The following TCTN3 variants were observed in gnomAD, a reference collection of about 807,000 sequenced individuals.
TCTN3 encodes tectonic family member 3.
Under a neutral mutation model 71.3 loss-of-function variants are expected in TCTN3, and 57 were observed. The observed-to-expected ratio is 0.80, with a 90% CI of 0.65 to 1.00. The LOEUF (loss-of-function observed/expected upper bound fraction) is 1.00. Ranked by LOEUF, TCTN3 falls within the 50% of genes least tolerant of loss-of-function variation. The pLI is 0.00. For synonymous variants in TCTN3, 258 were observed against 267.8 expected (o/e 0.96, Z 0.36); for missense variants, 696 against 719.9 (o/e 0.97, Z 0.38).
At chr10:95,684,684 C>T in intron 8 of TCTN3, 60 bp from the exon 9 acceptor site, 2 of 1,579,662 alleles carry the variant, frequency 1.3e-6, no homozygotes, top group Non-Finnish European at 1.7e-6. Context: ...ATGTTTAGGA[C>T]AGAAGATTTT....
intron 13 of TCTN3, among the ~76,000 whole-genome samples, chr10:95,668,649 C>A (rs1445258042): frequency 6.6e-6 from 1 of 152,064 alleles, no homozygotes; most frequent in Non-Finnish European, 1.5e-5. Flanking sequence ...CATCTTCCCC[C>A]CCCAAATTAT....
chr10:95,675,238 G>A (rs914256467), intron 13 of TCTN3, among the ~76,000 whole-genome samples: 2 of 152,048 alleles, frequency 1.3e-5, no homozygotes, highest in Non-Finnish European at 2.9e-5. Flanking sequence ...GATTACACGC[G>A]TGTGCCACCA....
intron 13 of TCTN3, among the ~76,000 whole-genome samples, chr10:95,670,061 C>CAAAAAAAAAAA (rs34609339): frequency 4.1e-4 from 33 of 81,074 alleles, no homozygotes; most frequent in South Asian, 5.0e-4. Flanking sequence ...GACTCCGTCT[C>CAAAAAAAAAAA]AAAAAAAAAA....
intron 13 of TCTN3, among the ~76,000 whole-genome samples, chr10:95,674,188 A>T (rs1442435558): frequency 6.6e-6 from 1 of 152,074 alleles, no homozygotes; most frequent in Non-Finnish European, 1.5e-5. Context: ...AGTCCTCTTC[A>T]TGAACCATTT....
At chr10:95,677,488 T>TTTTTTTTTTTTTTG (rs2097938502) in intron 13 of TCTN3, among the ~76,000 whole-genome samples, 1 of 142,544 alleles carries the variant, frequency 7.0e-6, no homozygotes, top group Non-Finnish European at 1.6e-5. Context: ...TTTTTGTTTT[T>TTTTTTTTTTTTTTG]TTTTTTTTTT....
intron 3 of TCTN3, among the ~76,000 whole-genome samples, chr10:95,688,918 A>G (rs1469500753): frequency 1.3e-5 from 2 of 152,224 alleles, no homozygotes; most frequent in Non-Finnish European, 1.5e-5. Context: ...TGAAAAAAGA[A>G]CATAGGGAAA....
At position 95,680,473 on chromosome 10, in the gene TCTN3, TG is replaced by T. The variant is rs1213907141; in HGVS notation, c.1588del (p.Gln530ArgfsTer11). 6.2e-7 allele frequency: 1 copy of T among 1,612,810 alleles called. No individual in the cohort carries two copies. The highest frequency in any genetic ancestry group is 1.7e-5 in the Admixed American group (1 of 59,704). Reference protein sequence around the residue: ...VRFLYQCQSIQDSQQVTEVSL... With the variant: ...VRFLYQCQSIXDSQQVTEVSL... ...GATCCTTTATGAGCCATGACTTACC[TG>T]TATAGACTGGCACTGGTATAGGAAT... is the stretch of plus-strand genomic sequence containing the variant. On this transcript the variant is annotated frameshift_variant and splice_region_variant, in exon 13 of 14. Transcript: ENST00000371217. LOFTEE classifies it high-confidence loss of function.
intron 7 of TCTN3, among the ~76,000 whole-genome samples, 198 bp from the exon 8 acceptor site, chr10:95,685,834 A>G (rs1180779021): frequency 6.6e-6 from 1 of 152,350 alleles, no homozygotes; most frequent in Admixed American, 6.5e-5. Flanking sequence ...TCAGAACACT[A>G]GTTCTATTAA....
At position 95,686,550 on chromosome 10, in the gene TCTN3, A is replaced by G. The variant is rs765075849; in HGVS notation, c.853-20T>C. On this transcript the variant is annotated intron_variant, in intron 6 of 13. Transcript: ENST00000371217. ...TGGAACCTAGGAGAACAGCAGGGAC[A>G]TGAATGTGCATATACCTTACCAAAA... 6.2e-7 allele frequency: 1 copy of G among 1,613,828 alleles called. No individual in the cohort carries two copies. The highest frequency in any genetic ancestry group is 1.1e-5 in the South Asian group (1 of 91,052).
chr10:95,683,260 ATTTATG>A, intron 10 of TCTN3, 65 bp from the exon 11 acceptor site: 1 of 1,556,334 alleles, frequency 6.4e-7, no homozygotes, highest in African/African-American at 1.4e-5. Context: ...GCATTGCAAA[ATTTATG>A]TTCTCATTCT....
In TCTN3 at chr10:95,680,778, C is replaced by CTT. The variant is rs906355850; in HGVS notation, c.1453-171_1453-170dup. Reference sequence around the variant, plus strand: ...ATAAGACTATGTTATTATTCCTGATCTTTTTTTTTTTTTTTTTTGAGACGA... The same window carrying CTT: ...ATAAGACTATGTTATTATTCCTGATCTTTTTTTTTTTTTTTTTTTTGAGACGA... On this transcript the variant is annotated intron_variant, in intron 12 of 13. Transcript: ENST00000371217. Among the ~76,000 whole-genome samples, 24,099 of 134,144 alleles carry CTT rather than the reference C, an allele frequency of 0.18. 2,642 individuals are homozygous for CTT. The highest frequency in any genetic ancestry group is 0.26 in the African/African-American group (9,477 of 36,048). 88.0% of individuals were successfully genotyped at this position (134,144 alleles called of 152,430 possible). A position where few individuals can be genotyped will look rare whatever the true frequency, so the allele number is the denominator to read the frequency against.
At chr10:95,668,860 A>C (rs2097928235) in intron 13 of TCTN3, among the ~76,000 whole-genome samples, 1 of 152,246 alleles carries the variant, frequency 6.6e-6, no homozygotes, top group Admixed American at 6.5e-5. Context: ...GAAAATATGC[A>C]GGAAAATGTG....
chr10:95,685,375 G>A (rs917075511), intron 8 of TCTN3, among the ~76,000 whole-genome samples, 181 bp downstream of exon 8: 1 of 152,198 alleles, frequency 6.6e-6, no homozygotes, highest in Non-Finnish European at 1.5e-5. Flanking sequence ...TTCACAATAT[G>A]CTACTTTTAC....
chr10:95,674,737 T>C (rs532773084), intron 13 of TCTN3, among the ~76,000 whole-genome samples: 16 of 152,286 alleles, frequency 1.1e-4, no homozygotes, highest in African/African-American at 3.9e-4. Context: ...CAATCAGATA[T>C]GGTGATTTCT....
At chr10:95,680,657 T>C in intron 12 of TCTN3, 48 bp from the exon 13 acceptor site, 1 of 1,595,262 alleles carries the variant, frequency 6.3e-7, no homozygotes, top group African/African-American at 1.3e-5. Context: ...GATGGTTGCC[T>C]ATAGTCAATC....
chr10:95,677,251 T>G (rs1275751969), intron 13 of TCTN3, among the ~76,000 whole-genome samples: 1 of 152,170 alleles, frequency 6.6e-6, no homozygotes, highest in East Asian at 1.9e-4. Context: ...TGTGTTTTAT[T>G]AATTCTCAAA....
In TCTN3 at chr10:95,687,802, A is replaced by G; in HGVS notation, c.500-83T>C. On this transcript the variant is annotated intron_variant, in intron 3 of 13. Transcript: ENST00000371217. Reference sequence around the variant, plus strand: ...TAATTTTAAAAAATATTTTTATTGAAGCATAATATACAGGGTGCAAATCTT... The same window carrying G: ...TAATTTTAAAAAATATTTTTATTGAGGCATAATATACAGGGTGCAAATCTT... 3.4e-6 allele frequency: 5 copies of G among 1,483,550 alleles called. No homozygotes were observed. The Admixed American group carries it at 8.5e-5, about 25-fold the overall frequency. 91.9% of individuals were successfully genotyped at this position (1,483,550 alleles called of 1,614,324 possible). A position where few individuals can be genotyped will look rare whatever the true frequency, so the allele number is the denominator to read the frequency against.
At chr10:95,671,027 A>G (rs1230011426) in intron 13 of TCTN3, among the ~76,000 whole-genome samples, 1 of 152,216 alleles carries the variant, frequency 6.6e-6, no homozygotes, top group Non-Finnish European at 1.5e-5. Flanking sequence ...GAGTATATTC[A>G]GTGTTTTATT....
chr10:95,693,262 G>C lies in TCTN3; in HGVS notation c.380+91C>G, dbSNP rs188126703. On this transcript the variant is annotated intron_variant, in intron 2 of 13. Coordinates refer to ENST00000371217, the MANE Select transcript of TCTN3 (RefSeq NM_015631.6). ...GTCCTAGGAGTGGAAGTACGGGTGGGAGGCACAAAGACTAACTCTTCTTAC... is the reference window on the plus strand; with the variant it reads ...GTCCTAGGAGTGGAAGTACGGGTGGCAGGCACAAAGACTAACTCTTCTTAC... The C allele has an allele frequency of 2.6e-4, 393 of 1,515,388 alleles. 5 individuals carry two copies. The highest frequency in any genetic ancestry group is 1.2e-3 in the Middle Eastern group (7 of 5,792). The allele number at this position is 1,515,388 out of a possible 1,614,324, so 93.9% of individuals were successfully genotyped here. A position where few individuals can be genotyped will look rare whatever the true frequency, so the allele number is the denominator to read the frequency against.
Sources: gnomAD v4.1 joint callset for allele counts (sites outside exome capture counted in the v4.1 genomes callset) on GRCh38, gnomAD v4.1.1 for gene constraint, MANE v1.5 for transcripts, NCBI Gene and HGNC (gene_info 2026-07-23, HGNC 2026-07-21) for gene names.